Variants in PCDH11X observed in about 807,000 individuals in gnomAD.
PCDH11X encodes the protein protocadherin 11 X-linked.
A neutral mutation model predicts 53.3 loss-of-function variants in PCDH11X; 18 were observed. That is an observed-to-expected ratio of 0.34 (90% CI 0.23 to 0.50). The LOEUF is 0.50. Among genes scored for constraint, PCDH11X ranks in the 20% least tolerant of loss-of-function variants. PCDH11X has a pLI of 0.98. For synonymous variants in PCDH11X, 279 were observed against 393.3 expected, an observed-to-expected ratio of 0.71 and a Z score of 3.44; for missense variants, 570 against 1,032.4, an observed-to-expected ratio of 0.55 and a Z score of 6.14.
intron 7 of PCDH11X, among the ~76,000 whole-genome samples, chrX:92,230,480 A>T (rs1259115711): frequency 2.2e-5 from 2 of 92,488 alleles, no homozygotes; most frequent in Non-Finnish European, 4.2e-5. Context: ...TATATATAAT[A>T]TATATAAAAT....
chrX:92,241,639 C>G (rs1474511034), intron 7 of PCDH11X, among the ~76,000 whole-genome samples: 1 of 111,973 alleles, frequency 8.9e-6, no homozygotes, highest in Non-Finnish European at 1.9e-5. Context: ...ACATTCCTCT[C>G]AGTGAATGTC....
At chrX:92,583,185 C>T (rs1392123589) in intron 10 of PCDH11X, among the ~76,000 whole-genome samples, 7 of 98,896 alleles carry the variant, frequency 7.1e-5, no homozygotes, top group African/African-American at 1.9e-4. Context: ...CTGCAACCTC[C>T]GCCTCCCAGG....
chrX:92,037,186 T>G (rs1426895214), intron 6 of PCDH11X, among the ~76,000 whole-genome samples: 2 of 110,903 alleles, frequency 1.8e-5, no homozygotes, highest in Non-Finnish European at 3.8e-5. Context: ...ATTAGCTATT[T>G]GTCCTGATGC....
intron 7 of PCDH11X, among the ~76,000 whole-genome samples, chrX:92,247,302 C>T (rs1052549466): frequency 1.8e-5 from 2 of 111,470 alleles, no homozygotes; most frequent in African/African-American, 6.5e-5. Flanking sequence ...TTATTCATCT[C>T]AACTCTCCAG....
At chrX:92,424,494 C>T (rs1237436844) in intron 9 of PCDH11X, among the ~76,000 whole-genome samples, 1 of 95,794 alleles carries the variant, frequency 1.0e-5, no homozygotes, top group East Asian at 3.1e-4. Flanking sequence ...TCGTGCAGTT[C>T]GTAGGGGAAC....
intron 6 of PCDH11X, among the ~76,000 whole-genome samples, chrX:91,905,098 TTTATTA>T (rs200229863): frequency 0.18 from 18,332 of 99,750 alleles, 1,812 homozygotes; most frequent in Admixed American, 0.44. Context: ...TACTTTTTTG[TTTATTA>T]TTATTATTAT....
intron 6 of PCDH11X, among the ~76,000 whole-genome samples, chrX:91,950,318 T>G (rs1018357916): frequency 4.8e-4 from 51 of 106,385 alleles, no homozygotes; most frequent in African/African-American, 1.7e-3. Flanking sequence ...TCTCTTCTTC[T>G]GAGTCTCCTA....
intron 5 of PCDH11X, among the ~76,000 whole-genome samples, chrX:91,854,790 C>G (rs1261768405): frequency 8.9e-6 from 1 of 111,886 alleles, no homozygotes; most frequent in Non-Finnish European, 1.9e-5. Flanking sequence ...ATTTGTATAT[C>G]TTATTTCGAG....
At chrX:92,614,744 G>A (rs2148819424) in intron 10 of PCDH11X, among the ~76,000 whole-genome samples, 1 of 110,209 alleles carries the variant, frequency 9.1e-6, no homozygotes, top group African/African-American at 3.3e-5. Flanking sequence ...ACCCAAAGGT[G>A]TGTCTAGGCA....
intron 6 of PCDH11X, among the ~76,000 whole-genome samples, chrX:91,986,426 T>G (rs1569293500): frequency 1.8e-5 from 2 of 110,311 alleles, no homozygotes; most frequent in Non-Finnish European, 3.8e-5. Context: ...GAGCCATATT[T>G]ATGTGTATGT....
At chrX:92,277,398 G>A (rs2068123329) in intron 8 of PCDH11X, among the ~76,000 whole-genome samples, 1 of 111,299 alleles carries the variant, frequency 9.0e-6, no homozygotes, top group Admixed American at 9.6e-5. Flanking sequence ...CGGCATTGCA[G>A]AAGAAAATAA....
Position 91,899,287 on chromosome X carries a change from A to G in PCDH11X, c.3033+20014A>G, listed in dbSNP as rs367607097. On this transcript the variant is annotated intron_variant, in intron 6 of 10. Transcript: ENST00000682573. ...CGATGTTTGAGGGCAGGAAGCATCC[A>G]GCATGGGAGAGAGATGTAGGCTGGA... Among the ~76,000 whole-genome samples the G allele has an allele frequency of 8.1e-5, 9 of 111,019 alleles. No individual in the cohort carries two copies. In the East Asian group the frequency reaches 2.6e-3, roughly 32 times the overall value.
At chrX:92,018,335 C>T (rs1412551703) in intron 6 of PCDH11X, among the ~76,000 whole-genome samples, 1 of 111,979 alleles carries the variant, frequency 8.9e-6, no homozygotes, top group Non-Finnish European at 1.9e-5. Flanking sequence ...TCAATATTAA[C>T]ATCTGCAAAA....
chrX:92,569,548 A>T (rs776152416), intron 10 of PCDH11X, among the ~76,000 whole-genome samples: 32 of 111,099 alleles, frequency 2.9e-4, no homozygotes, highest in African/African-American at 1.0e-3. Flanking sequence ...GGTGTGATAC[A>T]GTGATTTATT....
Position 91,836,820 on chromosome X carries a change from A to G in PCDH11X, c.540+776A>G, listed in dbSNP as rs562656185. On this transcript the variant is annotated intron_variant, in intron 5 of 10. Transcript: ENST00000682573. ...GAGAAGAATAGATAGAATATTTGGT[A>G]TTCTTCAAAATATGTGCAGAGGGGC... 1.0e-3 allele frequency among the ~76,000 whole-genome samples: 114 copies of G among 111,201 alleles called. No homozygotes were observed. The South Asian group carries it at 0.043, about 42-fold the overall frequency.
chrX:92,606,030 G>A (rs1174876253), intron 10 of PCDH11X, among the ~76,000 whole-genome samples: 2 of 109,449 alleles, frequency 1.8e-5, no homozygotes, highest in East Asian at 2.9e-4. Context: ...TTGGGAGTTC[G>A]AGACCACCCT....
intron 6 of PCDH11X, among the ~76,000 whole-genome samples, chrX:91,965,858 G>A (rs1394835212): frequency 9.0e-6 from 1 of 111,463 alleles, no homozygotes; most frequent in African/African-American, 3.3e-5. Flanking sequence ...AAACAGCAGG[G>A]GTTTGGTCTA....
At chrX:92,257,260 C>T (rs2067611848) in intron 7 of PCDH11X, among the ~76,000 whole-genome samples, 1 of 111,126 alleles carries the variant, frequency 9.0e-6, no homozygotes, top group Admixed American at 9.6e-5. Flanking sequence ...GAACTCCACC[C>T]CCATGATCCA....
intron 4 of PCDH11X, among the ~76,000 whole-genome samples, chrX:91,832,609 G>A (rs1461194753): frequency 1.9e-5 from 2 of 106,462 alleles, no homozygotes; most frequent in Non-Finnish European, 3.9e-5. Context: ...AAACCTGCAT[G>A]TTGTGCACAT....
Sources: gnomAD v4.1 joint callset for allele counts (sites outside exome capture counted in the v4.1 genomes callset) on GRCh38, gnomAD v4.1.1 for gene constraint, MANE v1.5 for transcripts, NCBI Gene and HGNC (gene_info 2026-07-23, HGNC 2026-07-21) for gene names.